The following SENP5 variants were observed in gnomAD, a reference collection of about 807,000 sequenced individuals.
SENP5 encodes the protein sentrin-specific protease 5.
Under a neutral mutation model 74.2 loss-of-function variants are expected in SENP5, and 21 were observed. The observed-to-expected ratio is 0.28, with a 90% CI of 0.20 to 0.41. SENP5 has a LOEUF of 0.41. SENP5 is among the 10% of genes least tolerant of loss of function. SENP5 has a pLI of 1.00. For missense variants in SENP5, 717 were observed against 889.1 expected (o/e 0.81, Z 2.46); for synonymous variants, 311 against 312.7 (o/e 0.99, Z 0.06).
chr3:196,876,535 GA>G (rs1713479014), intron 1 of SENP5, among the ~76,000 whole-genome samples: 9 of 135,458 alleles, frequency 6.6e-5, no homozygotes, highest in African/African-American at 2.5e-4. Context: ...AAAAAAAAAA[GA>G]AAAGAAAAAA....
At chr3:196,881,896 G>GTTTTTTTTTTTTT (rs11385462) in intron 1 of SENP5, among the ~76,000 whole-genome samples, 1 of 109,202 alleles carries the variant, frequency 9.2e-6, no homozygotes, top group East Asian at 2.6e-4. Flanking sequence ...GATAGTATTA[G>GTTTTTTTTTTTTT]TTTTTTTTTT....
intron 1 of SENP5, among the ~76,000 whole-genome samples, chr3:196,876,806 A>C (rs1272779203): frequency 1.3e-5 from 2 of 151,170 alleles, no homozygotes; most frequent in Non-Finnish European, 1.5e-5. Context: ...TGGAGCCTGG[A>C]AAGTTGGGGC....
chr3:196,917,695 A>C (rs1178252201), intron 6 of SENP5, among the ~76,000 whole-genome samples: 1 of 152,214 alleles, frequency 6.6e-6, no homozygotes, highest in African/African-American at 2.4e-5. Context: ...TTATCCTAGA[A>C]TATCATACCC....
chr3:196,911,778 C>T (rs1715144500), intron 6 of SENP5, among the ~76,000 whole-genome samples: 1 of 151,840 alleles, frequency 6.6e-6, no homozygotes, highest in African/African-American at 2.4e-5. Flanking sequence ...CATTGCACTC[C>T]AGCCTTAGCA....
rs376093455 is a variant in SENP5, at chr3:196,927,206, G to A, written c.2023-590G>A. Among the ~76,000 whole-genome samples the A allele has an allele frequency of 6.6e-5, 10 of 152,252 alleles. No individual in the cohort carries two copies. In the East Asian group the frequency reaches 1.7e-3, roughly 26 times the overall value. ...GAGTGTATCAGAATATCTAAGGCTG[G>A]AATATTTTTCATTTAGTTTTAGTTA... On this transcript the variant is annotated intron_variant, in intron 7 of 9. Transcript: ENST00000323460.
intron 6 of SENP5, among the ~76,000 whole-genome samples, chr3:196,918,596 G>A (rs962699688): frequency 6.6e-6 from 1 of 151,710 alleles, no homozygotes; most frequent in African/African-American, 2.4e-5. Flanking sequence ...AAGGAAGGGA[G>A]GAAGGGAAGA....
chr3:196,896,458 A>G (rs572857993), intron 2 of SENP5, among the ~76,000 whole-genome samples: 16 of 81,772 alleles, frequency 2.0e-4, no homozygotes, highest in African/African-American at 6.0e-4. Flanking sequence ...TGACTGGTTG[A>G]TTGATTGATT....
intron 6 of SENP5, among the ~76,000 whole-genome samples, chr3:196,915,567 C>T (rs537991939): frequency 1.3e-4 from 20 of 152,270 alleles, no homozygotes; most frequent in African/African-American, 4.1e-4. Flanking sequence ...TATCAGCGGT[C>T]GCCAGGCAGG....
rs768752704 is a variant in SENP5 at position 196,899,913 on chromosome 3, T to C, written c.1620-11T>C. On this transcript the variant is annotated splice_polypyrimidine_tract_variant and intron_variant, in intron 3 of 9. Coordinates refer to ENST00000323460, the MANE Select transcript of SENP5 (RefSeq NM_152699.5). ...TTTTTTACCTTTTGTTTCAAAATCT[T>C]TCTCTTTCAGAAAACCATTTATCAA... 1.2e-6 allele frequency: 2 copies of C among 1,611,482 alleles called. No individual in the cohort carries two copies. The highest frequency in any genetic ancestry group is 1.3e-5 in the African/African-American group (1 of 74,750).
At position 196,884,682 on chromosome 3, in the gene SENP5, T is replaced by TG. The variant is rs989710831; in HGVS notation, c.-31-469_-31-468insG. Among the ~76,000 whole-genome samples, 31 of 150,696 alleles carry TG rather than the reference T, an allele frequency of 2.1e-4. No homozygotes were observed. In the East Asian group the frequency reaches 2.3e-3, roughly 11 times the overall value. On this transcript the variant is annotated intron_variant, in intron 1 of 9. Coordinates refer to ENST00000323460, the MANE Select transcript of SENP5 (RefSeq NM_152699.5). The stretch of plus-strand genomic sequence containing the variant: ...GAAATCAGTTTTTTTTTGTTTTTTT[T>TG]TTTTTTGAGATGGAGTTTCGCTCTT...
chr3:196,881,569 A>T (rs1277985882), intron 1 of SENP5, among the ~76,000 whole-genome samples: 1 of 152,030 alleles, frequency 6.6e-6, no homozygotes, highest in Non-Finnish European at 1.5e-5. Context: ...CTTTATTTGT[A>T]AATTGTCTCC....
intron 2 of SENP5, among the ~76,000 whole-genome samples, chr3:196,896,089 A>G (rs1714429447): frequency 6.6e-6 from 1 of 152,188 alleles, no homozygotes; most frequent in Admixed American, 6.6e-5. Flanking sequence ...GTCATTTTAT[A>G]AAATCTGTTT....
At chr3:196,884,547 C>G (rs779057768) in intron 1 of SENP5, among the ~76,000 whole-genome samples, 2 of 152,144 alleles carry the variant, frequency 1.3e-5, no homozygotes, top group African/African-American at 2.4e-5. Context: ...CAACAGTTTA[C>G]TCAGAAGTGC....
At chr3:196,868,577 C>G (rs1299110602) in intron 1 of SENP5, among the ~76,000 whole-genome samples, 1 of 152,212 alleles carries the variant, frequency 6.6e-6, no homozygotes, top group Non-Finnish European at 1.5e-5. Context: ...AGCCTCCGCT[C>G]TACGCCCTGT....
chr3:196,902,096 T>A (rs1486859108), intron 5 of SENP5, among the ~76,000 whole-genome samples: 1 of 152,350 alleles, frequency 6.6e-6, no homozygotes, highest in East Asian at 1.9e-4. Context: ...TCTTTCTTAT[T>A]TATTTGTTTT....
At chr3:196,929,994 A>AG (rs1715970596) in intron 9 of SENP5, among the ~76,000 whole-genome samples, 1 of 152,064 alleles carries the variant, frequency 6.6e-6, no homozygotes, top group African/African-American at 2.4e-5. Context: ...GCATAAAAAA[A>AG]AAAAAAAAAA....
At chr3:196,895,646 C>G (rs958214904) in intron 2 of SENP5, among the ~76,000 whole-genome samples, 2 of 152,054 alleles carry the variant, frequency 1.3e-5, no homozygotes, top group African/African-American at 2.4e-5. Context: ...CTCACCCTCC[C>G]GAGTAGCTGG....
intron 1 of SENP5, among the ~76,000 whole-genome samples, chr3:196,875,310 A>G (rs560748499): frequency 6.6e-6 from 1 of 152,286 alleles, no homozygotes; most frequent in South Asian, 2.1e-4. Flanking sequence ...TCTTAATCCA[A>G]GAAGCTGTCC....
chr3:196,921,452 T>A (rs1214076577), intron 6 of SENP5, among the ~76,000 whole-genome samples: 1 of 152,156 alleles, frequency 6.6e-6, no homozygotes, highest in Non-Finnish European at 1.5e-5. Flanking sequence ...AAGAAGAAAA[T>A]GATTTGGAAA....
Sources: gnomAD v4.1 joint callset for allele counts (sites outside exome capture counted in the v4.1 genomes callset) on GRCh38, gnomAD v4.1.1 for gene constraint, MANE v1.5 for transcripts, NCBI Gene and HGNC (gene_info 2026-07-23, HGNC 2026-07-21) for gene names.